The following TARBP1 variants were observed in gnomAD, a reference collection of about 807,000 sequenced individuals.
TARBP1 encodes tRNA guanosine 2 -O-methyltransferase TARBP1, also known as tRNA (guanosine(18)-2'-O)-methyltransferase TARBP1.
Under a neutral mutation model 178.6 loss-of-function variants are expected in TARBP1, and 144 were observed. That is an observed-to-expected ratio of 0.81 (90% CI 0.70 to 0.93). TARBP1 has a LOEUF of 0.93. Ranked by LOEUF, TARBP1 falls within the 40% of genes least tolerant of loss-of-function variation. The pLI is 0.00. For missense variants in TARBP1, 2,067 were observed against 2,011.7 expected (o/e 1.03, Z -0.53); for synonymous variants, 787 against 781.0 (o/e 1.01, Z -0.13).
chr1:234,477,847 T>C (rs1478739853), intron 1 of TARBP1, among the ~76,000 whole-genome samples: 2 of 152,208 alleles, frequency 1.3e-5, no homozygotes, highest in Admixed American at 6.5e-5. Flanking sequence ...ACCGTTTCTA[T>C]TGGGTTGAAT....
intron 12 of TARBP1, among the ~76,000 whole-genome samples, chr1:234,441,303 C>CT (rs1221447465): frequency 6.6e-6 from 1 of 151,402 alleles, no homozygotes; most frequent in Non-Finnish European, 1.5e-5. Flanking sequence ...CCCAGCAGGA[C>CT]TTTTTTTTTG....
intron 26 of TARBP1, among the ~76,000 whole-genome samples, chr1:234,394,387 A>G (rs1055573695): frequency 4.6e-5 from 7 of 152,214 alleles, no homozygotes; most frequent in Admixed American, 4.6e-4. Flanking sequence ...AGCCTATCTG[A>G]CTGCAGTGTT....
At chr1:234,424,828 A>G (rs1273220554) in intron 20 of TARBP1, among the ~76,000 whole-genome samples, 3 of 151,858 alleles carry the variant, frequency 2.0e-5, no homozygotes, top group African/African-American at 7.3e-5. Context: ...CTGGGAGGCC[A>G]AGGAGGGTGG....
chr1:234,394,790 T>C (rs958255401), intron 26 of TARBP1, among the ~76,000 whole-genome samples: 35 of 152,158 alleles, frequency 2.3e-4, no homozygotes, highest in African/African-American at 8.0e-4. Flanking sequence ...TTGCATACAA[T>C]GATAAAGAAT....
intron 2 of TARBP1, among the ~76,000 whole-genome samples, chr1:234,471,481 C>T (rs1240633323): frequency 6.6e-6 from 1 of 152,152 alleles, no homozygotes; most frequent in Non-Finnish European, 1.5e-5. Context: ...TTAAAGTCTA[C>T]CATTTATACA....
chr1:234,448,598 AGGT>A lies in TARBP1; in HGVS notation c.1862-22_1862-20del. 6.2e-7 allele frequency: 1 copy of A among 1,600,598 alleles called. No individual in the cohort carries two copies. The highest frequency in any genetic ancestry group is 1.1e-5 in the South Asian group (1 of 90,710). On this transcript the variant is annotated intron_variant, in intron 10 of 29. Coordinates refer to ENST00000040877, the MANE Select transcript of TARBP1 (RefSeq NM_005646.4). ...TCTCCTGCTTAAATAACAACAGTTA[AGGT>A]TTGCAAAGCATTAACAAAATCCTTC...
At chr1:234,446,087 C>T (rs1028440329) in intron 12 of TARBP1, among the ~76,000 whole-genome samples, 8 of 152,032 alleles carry the variant, frequency 5.3e-5, no homozygotes, top group Non-Finnish European at 1.0e-4. Flanking sequence ...AAAATATAAT[C>T]GTATCAATTT....
chr1:234,419,168 G>A lies in TARBP1; in HGVS notation c.3556-935C>T, dbSNP rs1252054159. Among the ~76,000 whole-genome samples, 9 of 151,280 alleles carry A rather than the reference G, an allele frequency of 5.9e-5. No homozygotes were observed. In the South Asian group the frequency reaches 1.5e-3, roughly 24 times the overall value. ...AGCCTGGGTGAAAGAGCAAGACTCC[G>A]TCTCAAAAAAAATAAAAATAAAAAT... On this transcript the variant is annotated intron_variant, in intron 21 of 29. Transcript: ENST00000040877.
chr1:234,477,695 G>A (rs563018613), intron 1 of TARBP1, among the ~76,000 whole-genome samples: 3 of 152,326 alleles, frequency 2.0e-5, no homozygotes, highest in Admixed American at 6.5e-5. Flanking sequence ...AGTAAATCCT[G>A]TTCCTAATTA....
In TARBP1 at chr1:234,433,591, A is replaced by G; in HGVS notation, c.2233-20T>C. ...TGAAACCTAAGACAAGGATTAAAAC[A>G]CTTAAGGGTACAAGCAAGGTCCATG... On this transcript the variant is annotated intron_variant, in intron 13 of 29. Coordinates refer to ENST00000040877, the MANE Select transcript of TARBP1 (RefSeq NM_005646.4). 6.3e-7 allele frequency: 1 copy of G among 1,597,948 alleles called. No individual in the cohort carries two copies. Among genetic ancestry groups the G allele is most frequent in the Non-Finnish European group, 8.5e-7 (1 of 1,175,176 alleles).
intron 3 of TARBP1, 141 bp downstream of exon 3, chr1:234,471,047 T>C (rs12745505): frequency 0.052 from 33,677 of 642,490 alleles, 1,128 homozygotes; most frequent in Middle Eastern, 0.12. Flanking sequence ...TATCTCTTGG[T>C]GGCAGCATTA....
rs780888749 is a variant in TARBP1 at position 234,459,225 on chromosome 1, C to T, written c.1632+5G>A. 6 of 1,604,548 alleles carry T rather than the reference C, an allele frequency of 3.7e-6. No homozygotes were observed. The Admixed American group carries it at 7.0e-5, about 19-fold the overall frequency. ...GTAAATGGAAGTAACAAAAGAAAAA[C>T]TTACCACATCTAGCAAATTCATAGC... On this transcript the variant is annotated splice_donor_5th_base_variant and intron_variant, in intron 8 of 29. Coordinates refer to ENST00000040877, the MANE Select transcript of TARBP1 (RefSeq NM_005646.4).
Position 234,478,741 on chromosome 1 carries a change from AGCCAGCGCGGCC to A in TARBP1, c.351_362del (p.Ala118_Ala121del). On this transcript the variant is annotated inframe_deletion, in exon 1 of 30. Coordinates refer to ENST00000040877, the MANE Select transcript of TARBP1 (RefSeq NM_005646.4). ...CGAGCAGATCGCGCAGCGCCTCCTCAGCCAGCGCGGCCGCCAGCTGCGGACGCCCGGCCAGGC... is the reference window on the plus strand; with the variant it reads ...CGAGCAGATCGCGCAGCGCCTCCTCAGCCAGCTGCGGACGCCCGGCCAGGC... 8.9e-7 allele frequency: 1 copy of A among 1,126,170 alleles called. No individual in the cohort carries two copies. Among genetic ancestry groups the A allele is most frequent in the Non-Finnish European group, 1.1e-6 (1 of 924,980 alleles). The allele number at this position is 1,126,170 out of a possible 1,614,324, so 69.8% of individuals were successfully genotyped here. A position where few individuals can be genotyped will look rare whatever the true frequency, so the allele number is the denominator to read the frequency against.
At chr1:234,454,133 G>A (rs1035701926) in intron 9 of TARBP1, among the ~76,000 whole-genome samples, 2 of 152,152 alleles carry the variant, frequency 1.3e-5, no homozygotes, top group African/African-American at 2.4e-5. Context: ...TGGGCTAACC[G>A]TAGCCTAAAG....
intron 13 of TARBP1, among the ~76,000 whole-genome samples, chr1:234,436,340 C>A (rs112014208): frequency 0.023 from 3,565 of 152,172 alleles, 56 homozygotes; most frequent in South Asian, 0.062. Flanking sequence ...TAAATGACTT[C>A]TTGGTTAAAT....
At chr1:234,429,750 A>C in intron 15 of TARBP1, 73 bp from the exon 16 acceptor site, 4 of 1,044,028 alleles carry the variant, frequency 3.8e-6, no homozygotes, top group South Asian at 1.5e-5. Flanking sequence ...GTAGCACACT[A>C]TCCTTTCTAA....
chr1:234,477,795 G>A (rs1237818777), intron 1 of TARBP1, among the ~76,000 whole-genome samples: 4 of 152,166 alleles, frequency 2.6e-5, no homozygotes, highest in Admixed American at 6.5e-5. Context: ...GGTCAGTACA[G>A]ATAAATAACA....
intron 3 of TARBP1, among the ~76,000 whole-genome samples, chr1:234,470,639 C>T (rs1464633814): frequency 6.7e-6 from 1 of 149,282 alleles, no homozygotes; most frequent in Non-Finnish European, 1.5e-5. Flanking sequence ...TTTTTTGAGA[C>T]GGAGTCTTGC....
At position 234,439,333 on chromosome 1, in the gene TARBP1, T is replaced by C. The variant is rs373986841; in HGVS notation, c.2135-1961A>G. Among the ~76,000 whole-genome samples the C allele has an allele frequency of 7.9e-5, 12 of 152,222 alleles. No individual in the cohort carries two copies. The South Asian group carries it at 8.3e-4, about 11-fold the overall frequency. The stretch of plus-strand genomic sequence containing the variant: ...AAATGTAAATATAAGACAACTACCA[T>C]AGACAGGGGAAAGGGGGAAGGGCCC... On this transcript the variant is annotated intron_variant, in intron 12 of 29. Coordinates refer to ENST00000040877, the MANE Select transcript of TARBP1 (RefSeq NM_005646.4).
Sources: allele counts gnomAD v4.1 joint callset (sites outside exome capture counted in the v4.1 genomes callset), GRCh38; gene constraint gnomAD v4.1.1; transcripts MANE v1.5; gene names NCBI Gene and HGNC (gene_info 2026-07-23, HGNC 2026-07-21).